The following GABRA5 variants were observed in gnomAD, a reference collection of about 807,000 sequenced individuals.
GABRA5 encodes the protein gamma-aminobutyric acid receptor subunit alpha-5.
A neutral mutation model predicts 47.3 loss-of-function variants in GABRA5; 18 were observed. The ratio of observed to expected loss-of-function variants is 0.38; its 90% confidence interval spans 0.26 to 0.56. GABRA5 has a LOEUF of 0.56. Among genes scored for constraint, GABRA5 ranks in the 20% least tolerant of loss-of-function variants. The probability of loss-of-function intolerance (pLI) is 0.71; values close to 1 mark genes in which losing one functional copy is unlikely to be tolerated. For missense variants in GABRA5, 365 were observed against 599.3 expected, an observed-to-expected ratio of 0.61 and a Z score of 4.08; for synonymous variants, 237 against 229.3, an observed-to-expected ratio of 1.03 and a Z score of -0.30.
chr15:26,891,661 T>C (rs1329006228), intron 6 of GABRA5, among the ~76,000 whole-genome samples: 1 of 152,186 alleles, frequency 6.6e-6, no homozygotes, highest in African/African-American at 2.4e-5. Context: ...CTGCAGAGTG[T>C]TCCTGAGCCT....
rs1467635380 is a variant in GABRA5 at position 26,883,673 on chromosome 15, G to C, written c.497+116G>C. On this transcript the variant is annotated intron_variant, in intron 6 of 10. Coordinates refer to ENST00000335625, the MANE Select transcript of GABRA5 (RefSeq NM_000810.4). The surrounding 1 kb of genome is among the most constrained non-coding windows in gnomAD (Gnocchi z 4.8). ...GTTCTGACCATAGGTCTGAGACTGC[G>C]GCGCGTGTGTGCTGGGGGTTCCCCG... The C allele has an allele frequency of 1.2e-6, 1 of 807,456 alleles. No individual in the cohort carries two copies. Among genetic ancestry groups the C allele is most frequent in the Non-Finnish European group, 1.9e-6 (1 of 537,522 alleles). 50.0% of individuals were successfully genotyped at this position (807,456 alleles called of 1,614,324 possible).
chr15:26,877,919 A>G (rs553799716), intron 3 of GABRA5, among the ~76,000 whole-genome samples: 2 of 152,358 alleles, frequency 1.3e-5, no homozygotes, highest in African/African-American at 4.8e-5. Context: ...ACAAAAATTT[A>G]CTTCCCCAAA....
At chr15:26,872,119 A>G (rs924283260) in intron 3 of GABRA5, among the ~76,000 whole-genome samples, 1 of 152,300 alleles carries the variant, frequency 6.6e-6, no homozygotes, top group East Asian at 1.9e-4. Context: ...TTCCCTTCCT[A>G]TAGGAGACTC....
At chr15:26,877,194 T>C (rs540196222) in intron 3 of GABRA5, among the ~76,000 whole-genome samples, 1 of 152,346 alleles carries the variant, frequency 6.6e-6, no homozygotes, top group South Asian at 2.1e-4. Flanking sequence ...TGCCTGTCCA[T>C]GTTTTCCACC....
intron 6 of GABRA5, among the ~76,000 whole-genome samples, chr15:26,906,672 TTG>T (rs1893451961): frequency 6.6e-6 from 1 of 152,198 alleles, no homozygotes; most frequent in Admixed American, 6.5e-5. Context: ...TTTTGTGGAT[TTG>T]TGCTGTTTCT....
At chr15:26,897,521 C>T (rs1187400474) in intron 6 of GABRA5, among the ~76,000 whole-genome samples, 1 of 152,162 alleles carries the variant, frequency 6.6e-6, no homozygotes, top group Non-Finnish European at 1.5e-5. Flanking sequence ...GTAATGGCAG[C>T]CCCAGCAGAC....
At position 26,947,914 on chromosome 15, in the gene GABRA5, A is replaced by G. The variant is rs200318671; in HGVS notation, c.1090-20A>G. ...TTGCCTGCAAATGGCGTGTCCTTAC[A>G]TTCGTATTATATTTTGCAGAAAAAG... On this transcript the variant is annotated intron_variant, in intron 10 of 10. Transcript: ENST00000335625. 4.5e-5 allele frequency: 70 copies of G among 1,554,514 alleles called. No homozygotes were observed. In the African/African-American group the frequency reaches 8.3e-4, roughly 18 times the overall value.
rs576472951 is a variant in GABRA5, at chr15:26,894,346, G to A, written c.497+10789G>A. On this transcript the variant is annotated intron_variant, in intron 6 of 10. Coordinates refer to ENST00000335625, the MANE Select transcript of GABRA5 (RefSeq NM_000810.4). ...TCCAGGGGCCACCCCTTCACAGGCC[G>A]CGCCTGCACCCAGCGTCTGTTCTCA... 1.1e-3 allele frequency among the ~76,000 whole-genome samples: 162 copies of A among 152,248 alleles called. 1 individual carries two copies. Among genetic ancestry groups the A allele is most frequent in the Admixed American group, 2.3e-3 (35 of 15,308 alleles).
chr15:26,880,211 GA>G (rs1324877894), intron 3 of GABRA5, among the ~76,000 whole-genome samples: 6 of 152,198 alleles, frequency 3.9e-5, no homozygotes, highest in Non-Finnish European at 8.8e-5. Context: ...CACTTTTCTT[GA>G]GGGCTTATTG....
chr15:26,948,404 G>A lies in GABRA5; in HGVS notation c.*171G>A, dbSNP rs1261495284. ...CTTGATGTTTCTATATGTAACTTCA[G>A]ATGTTTCCAAGATGTCCCATTGATA... On this transcript the variant is annotated 3_prime_UTR_variant, in exon 11 of 11. Transcript: ENST00000335625. 6.3e-6 allele frequency: 4 copies of A among 638,646 alleles called. No individual in the cohort carries two copies. In the Admixed American group the frequency reaches 1.2e-4, roughly 20 times the overall value. The allele number at this position is 638,646 out of a possible 1,614,324, so 39.6% of individuals were successfully genotyped here.
intron 6 of GABRA5, among the ~76,000 whole-genome samples, chr15:26,885,230 C>T (rs545351582): frequency 8.7e-5 from 13 of 148,740 alleles, no homozygotes; most frequent in South Asian, 8.5e-4. Context: ...ACCTGGGAGG[C>T]GGAGCTTGCA....
intron 6 of GABRA5, among the ~76,000 whole-genome samples, chr15:26,894,024 G>A (rs560410409): frequency 1.5e-4 from 23 of 150,404 alleles, no homozygotes; most frequent in African/African-American, 4.6e-4. Context: ...TCGAGGACTG[G>A]AGAGGGGAGG....
chr15:26,930,073 G>A (rs1894062196), intron 7 of GABRA5, among the ~76,000 whole-genome samples: 1 of 146,874 alleles, frequency 6.8e-6, no homozygotes, highest in East Asian at 2.1e-4. Context: ...AGGATGGAGT[G>A]CAATGGCACG....
intron 6 of GABRA5, among the ~76,000 whole-genome samples, chr15:26,913,806 G>A (rs1284732455): frequency 6.6e-6 from 1 of 152,086 alleles, no homozygotes; most frequent in Non-Finnish European, 1.5e-5. Flanking sequence ...GAGTGCACTG[G>A]CTTCCTACAC....
intron 7 of GABRA5, among the ~76,000 whole-genome samples, chr15:26,923,034 C>G (rs1237515821): frequency 1.3e-5 from 2 of 152,206 alleles, no homozygotes; most frequent in African/African-American, 4.8e-5. Flanking sequence ...TTACCTTTCC[C>G]TAATCTTAAC....
In GABRA5 at chr15:26,937,531, T is replaced by C. The variant is rs551680323; in HGVS notation, c.724+203T>C. Among the ~76,000 whole-genome samples the C allele has an allele frequency of 5.3e-5, 8 of 152,106 alleles. No individual in the cohort carries two copies. In the East Asian group the frequency reaches 1.6e-3, roughly 30 times the overall value. On this transcript the variant is annotated intron_variant, in intron 8 of 10. Coordinates refer to ENST00000335625, the MANE Select transcript of GABRA5 (RefSeq NM_000810.4). ...CAAAGGAATCCTCCCAGCCTGCCCC[T>C]CCCTGCAGCTGCACACAGAGGCACC... is the stretch of plus-strand genomic sequence containing the variant.
At chr15:26,899,991 T>C (rs1380057784) in intron 6 of GABRA5, among the ~76,000 whole-genome samples, 1 of 152,134 alleles carries the variant, frequency 6.6e-6, no homozygotes, top group Non-Finnish European at 1.5e-5. Context: ...CTTTTGTGTT[T>C]AATTGATGTT....
intron 4 of GABRA5, among the ~76,000 whole-genome samples, chr15:26,882,337 C>T (rs1892748812): frequency 6.6e-6 from 1 of 152,194 alleles, no homozygotes; most frequent in South Asian, 2.1e-4. Context: ...CACAGCATCA[C>T]ACAGACACCT....
At chr15:26,889,091 C>T (rs191387549) in intron 6 of GABRA5, among the ~76,000 whole-genome samples, 14 of 152,358 alleles carry the variant, frequency 9.2e-5, no homozygotes, top group Admixed American at 5.9e-4. Flanking sequence ...ACTAGACAGT[C>T]GTGCACTGAA....
Sources: gnomAD v4.1 joint callset for allele counts (sites outside exome capture counted in the v4.1 genomes callset) on GRCh38, gnomAD v4.1.1 for gene constraint, Gnocchi (gnomAD v3.1) non-coding constraint, MANE v1.5 for transcripts, NCBI Gene and HGNC (gene_info 2026-07-23, HGNC 2026-07-21) for gene names.